Variants in ZFR observed in about 807,000 individuals in gnomAD.
ZFR encodes the protein zinc finger RNA-binding protein.
A neutral mutation model predicts 130.7 loss-of-function variants in ZFR; 19 were observed. The observed-to-expected ratio is 0.15, with a 90% confidence interval of 0.10 to 0.21. ZFR has a LOEUF of 0.21. Ranked by LOEUF, ZFR falls within the 10% of genes least tolerant of loss-of-function variation. ZFR has a pLI of 1.00. For missense variants in ZFR, 872 were observed against 1,321.5 expected, an observed-to-expected ratio of 0.66 and a Z score of 5.27; for synonymous variants, 466 against 456.9, an observed-to-expected ratio of 1.02 and a Z score of -0.25.
In ZFR at chr5:32,364,179, C is replaced by T; in HGVS notation, c.2932G>A (p.Gly978Arg). ...LRRVFECISS[G>R]IILKGSPGLL... ...TAAGAGTTACCTTTAAGAATAATCC[C>T]TGAAGAAATGCATTCAAAAACTCTT... The change falls in exon 18 of 20, where the codon GGG becomes AGG. Residue 978 changes from glycine to arginine, a missense_variant. Gly to Arg is a moderately radical substitution (Grantham distance 125). This residue lies in a region of ZFR where 158 missense variants were observed against 264.0 expected (regional missense o/e 0.60). Coordinates refer to ENST00000265069, the MANE Select transcript of ZFR (RefSeq NM_016107.5). 6.2e-7 allele frequency: 1 copy of T among 1,611,884 alleles called. No homozygotes were observed. Among genetic ancestry groups the T allele is most frequent in the Non-Finnish European group, 8.5e-7 (1 of 1,178,262 alleles).
At chr5:32,391,525 CTTTT>C (rs34370191) in intron 11 of ZFR, among the ~76,000 whole-genome samples, 19 of 134,138 alleles carry the variant, frequency 1.4e-4, no homozygotes, top group Admixed American at 2.2e-4. Context: ...GAAATCTACT[CTTTT>C]TTTTTTTTTT....
intron 17 of ZFR, among the ~76,000 whole-genome samples, chr5:32,373,249 C>G (rs2111688584): frequency 6.6e-6 from 1 of 152,150 alleles, no homozygotes; most frequent in South Asian, 2.1e-4. Flanking sequence ...AAAAATTAGT[C>G]AGGCGTGGTG....
At chr5:32,403,514 C>T in intron 7 of ZFR, 117 bp from the exon 8 acceptor site, 1 of 1,343,544 alleles carries the variant, frequency 7.4e-7, no homozygotes, top group Non-Finnish European at 1.0e-6. Flanking sequence ...ATTTTTTCTG[C>T]TATATGTTTT....
At chr5:32,382,883 A>C (rs186211117) in intron 15 of ZFR, among the ~76,000 whole-genome samples, 1 of 152,138 alleles carries the variant, frequency 6.6e-6, no homozygotes, top group South Asian at 2.1e-4. Flanking sequence ...TTAACCCCTT[A>C]TATTCTGCTA....
At chr5:32,410,500 C>T (rs1753683624) in intron 5 of ZFR, among the ~76,000 whole-genome samples, 1 of 151,786 alleles carries the variant, frequency 6.6e-6, no homozygotes, top group Non-Finnish European at 1.5e-5. Flanking sequence ...TCTGTAGTCC[C>T]AGCTACCTGG....
chr5:32,390,483 G>A, intron 11 of ZFR, 46 bp from the exon 12 acceptor site: 2 of 1,541,478 alleles, frequency 1.3e-6, no homozygotes, highest in Non-Finnish European at 1.8e-6. Context: ...GAAAAATACA[G>A]CCCAAGAACT....
At chr5:32,397,123 C>A in intron 10 of ZFR, 96 bp downstream of exon 10, 1 of 1,388,232 alleles carries the variant, frequency 7.2e-7, no homozygotes, top group Non-Finnish European at 9.6e-7. Flanking sequence ...ACTTGGCAAG[C>A]TGTGTTTAGA....
intron 15 of ZFR, among the ~76,000 whole-genome samples, chr5:32,381,222 T>C (rs1372354026): frequency 6.6e-6 from 1 of 152,118 alleles, no homozygotes; most frequent in Non-Finnish European, 1.5e-5. Context: ...TGAGAATATA[T>C]GAAACTAAAC....
intron 2 of ZFR, among the ~76,000 whole-genome samples, chr5:32,443,860 G>A (rs1286753456): frequency 6.6e-6 from 1 of 152,258 alleles, no homozygotes; most frequent in Non-Finnish European, 1.5e-5. Flanking sequence ...GATGGGAGGT[G>A]GGGGCTGGAC....
At chr5:32,361,671 T>G (rs959350739) in intron 19 of ZFR, among the ~76,000 whole-genome samples, 4 of 149,540 alleles carry the variant, frequency 2.7e-5, no homozygotes, top group Non-Finnish European at 5.9e-5. Flanking sequence ...CAGGCTAGAG[T>G]GCAATGGTGC....
In ZFR at chr5:32,414,987, T is replaced by C. The variant is rs889888671; in HGVS notation, c.766A>G (p.Thr256Ala). ...GTCTTACCAGAATATGTAACTGCTG[T>C]GGTACTGTAAGTAGCACTCTGAGTA... is the stretch of plus-strand genomic sequence containing the variant. The part of the protein sequence containing the change: ...SYTQSATYST[T>A]AVTYSGTSYS... Residue 256 changes from threonine (T) to alanine (A), a missense_variant, in exon 5 of 20, where the codon ACA becomes GCA. Transcript: ENST00000265069. 1.3e-5 allele frequency: 21 copies of C among 1,613,768 alleles called. No homozygotes were observed. The highest frequency in any genetic ancestry group is 1.8e-5 in the Non-Finnish European group (21 of 1,179,822).
chr5:32,410,504 T>C (rs569010400), intron 5 of ZFR, among the ~76,000 whole-genome samples: 43 of 151,536 alleles, frequency 2.8e-4, no homozygotes, highest in Admixed American at 5.3e-4. Context: ...TAGTCCCAGC[T>C]ACCTGGGAGG....
At chr5:32,382,852 C>G (rs1282980605) in intron 15 of ZFR, among the ~76,000 whole-genome samples, 1 of 151,818 alleles carries the variant, frequency 6.6e-6, no homozygotes, top group Non-Finnish European at 1.5e-5. Context: ...ATTTTTGTAC[C>G]CATTTTCTAT....
intron 4 of ZFR, among the ~76,000 whole-genome samples, chr5:32,417,121 TA>T (rs70961631): frequency 7.0e-5 from 8 of 114,672 alleles, no homozygotes; most frequent in Admixed American, 9.5e-5. Context: ...AGTCTCTCTC[TA>T]AAAAAAAAAA....
intron 15 of ZFR, 128 bp downstream of exon 15, chr5:32,385,380 A>G (rs1282499855): frequency 8.0e-6 from 9 of 1,129,682 alleles, no homozygotes; most frequent in South Asian, 1.7e-5. Flanking sequence ...CGGTTGCTAA[A>G]TAAGTCAAAT....
intron 17 of ZFR, among the ~76,000 whole-genome samples, chr5:32,368,002 T>C (rs1304296232): frequency 6.6e-6 from 1 of 152,210 alleles, no homozygotes; most frequent in African/African-American, 2.4e-5. Flanking sequence ...CTTTCCCTTA[T>C]GTTTTCTTTC....
intron 6 of ZFR, among the ~76,000 whole-genome samples, chr5:32,404,783 A>G (rs1045959320): frequency 3.3e-5 from 5 of 152,222 alleles, no homozygotes; most frequent in African/African-American, 4.8e-5. Flanking sequence ...TAGTAAGAAC[A>G]ACTGGACAGT....
At chr5:32,442,112 A>G (rs891244376) in intron 2 of ZFR, among the ~76,000 whole-genome samples, 7 of 152,248 alleles carry the variant, frequency 4.6e-5, no homozygotes, top group Non-Finnish European at 1.0e-4. Context: ...AAAACATTTC[A>G]GAAGTGCCAC....
At chr5:32,367,918 C>T (rs1410557020) in intron 17 of ZFR, among the ~76,000 whole-genome samples, 1 of 152,052 alleles carries the variant, frequency 6.6e-6, no homozygotes, top group African/African-American at 2.4e-5. Flanking sequence ...TGTCCAAGGT[C>T]ATGTAGCTAG....
Sources: allele counts gnomAD v4.1 joint callset (sites outside exome capture counted in the v4.1 genomes callset), GRCh38; gene constraint gnomAD v4.1.1; regional missense constraint gnomAD v4.1.1; transcripts MANE v1.5; gene names NCBI Gene and HGNC (gene_info 2026-07-23, HGNC 2026-07-21).